COL28A1: variants seen among roughly 807,000 people sequenced by gnomAD.
The protein encoded by COL28A1 is collagen alpha-1(XXVIII) chain.
Under a neutral mutation model 150.2 loss-of-function variants are expected in COL28A1, and 161 were observed. The observed-to-expected ratio is 1.07, with a 90% confidence interval of 0.94 to 1.22. The LOEUF is 1.22. COL28A1 is among the 50% of genes most tolerant of loss of function. The probability of loss-of-function intolerance (pLI) is 0.00; values close to 1 mark genes in which losing one functional copy is unlikely to be tolerated. For synonymous variants in COL28A1, 552 were observed against 469.7 expected (o/e 1.18, Z -2.26); for missense variants, 1,617 against 1,388.3 (o/e 1.16, Z -2.62).
rs969439229 is a variant in COL28A1 at position 7,417,587 on chromosome 7, T to G, written c.2136+272A>C. 7 of 332,622 alleles carry G rather than the reference T, an allele frequency of 2.1e-5. No homozygotes were observed. In the Admixed American group the frequency reaches 3.6e-4, roughly 17 times the overall value. The allele number at this position is 332,622 out of a possible 1,614,324, so 20.6% of individuals were successfully genotyped here. On this transcript the variant is annotated intron_variant, in intron 27 of 34. Coordinates refer to ENST00000399429, the MANE Select transcript of COL28A1 (RefSeq NM_001037763.3). ...AGAGAGAGCAACTGAGTATAAATTC[T>G]CCATTCAATTCACAAAGAGGGGAAA...
chr7:7,401,020 G>GTGTGTGTGTGTGTGTA (rs1783168494), intron 27 of COL28A1, among the ~76,000 whole-genome samples: 1 of 147,208 alleles, frequency 6.8e-6, no homozygotes, highest in Admixed American at 6.8e-5. Flanking sequence ...GTGTGTGTGT[G>GTGTGTGTGTGTGTGTA]TGTGTACAGC....
intron 14 of COL28A1, among the ~76,000 whole-genome samples, chr7:7,475,994 T>C (rs1277379719): frequency 6.6e-6 from 1 of 152,226 alleles, no homozygotes; most frequent in Non-Finnish European, 1.5e-5. Context: ...TTTTATCTAA[T>C]TGTTTTCCCT....
chr7:7,529,555 G>A (rs1053119690), intron 3 of COL28A1, among the ~76,000 whole-genome samples: 4 of 152,128 alleles, frequency 2.6e-5, no homozygotes, highest in Middle Eastern at 3.2e-3. Context: ...GTTTGCCCAG[G>A]AACAGACAAA....
chr7:7,369,218 G>A (rs548583596), intron 33 of COL28A1, among the ~76,000 whole-genome samples: 15 of 152,254 alleles, frequency 9.9e-5, no homozygotes, highest in African/African-American at 3.4e-4. Context: ...CCCCAGTAGC[G>A]GTCCATGCTC....
At chr7:7,349,266 C>A in the COL28A1 span, among the ~76,000 whole-genome samples, 2 of 151,990 alleles carry the variant, frequency 1.3e-5, no homozygotes, top group Admixed American at 6.6e-5. Context: ...AGTTTATTAG[C>A]ACCTATTTAC....
chr7:7,357,536 G>GTAATCCCAGCTACGCAGGAGGT (rs1780396624), downstream of COL28A1: 1 of 152,006 alleles, frequency 6.6e-6, no homozygotes, highest in Non-Finnish European at 1.5e-5. Flanking sequence ...GCGCATGCTT[G>GTAATCCCAGCTACGCAGGAGGT]TAATCCCAGC....
intron 26 of COL28A1, 87 bp downstream of exon 26, chr7:7,419,798 G>A: frequency 1.3e-6 from 1 of 796,958 alleles, no homozygotes. Context: ...TCAACACCAA[G>A]ACGAACACTT....
Position 7,370,716 on chromosome 7 carries a change from G to A in COL28A1, c.3066+9C>T. 2 of 1,602,714 alleles carry A rather than the reference G, an allele frequency of 1.2e-6. No individual in the cohort carries two copies. Among genetic ancestry groups the A allele is most frequent in the South Asian group, 1.1e-5 (1 of 89,330 alleles). ...TTAAGCTCACAAAGTAAGTGAGACA[G>A]TTACTTACTGACTCAGAAATTTCTT... On this transcript the variant is annotated intron_variant, in intron 33 of 34. Coordinates refer to ENST00000399429, the MANE Select transcript of COL28A1 (RefSeq NM_001037763.3).
chr7:7,375,292 C>T (rs78016696), intron 31 of COL28A1, among the ~76,000 whole-genome samples, 169 bp downstream of exon 31: 4,397 of 152,286 alleles, frequency 0.029, 102 homozygotes, highest in Non-Finnish European at 0.046. Flanking sequence ...TCAGGATTCC[C>T]ACAGTCTCTC....
chr7:7,432,687 G>A lies in COL28A1; in HGVS notation c.1874C>T (p.Pro625Leu), dbSNP rs762134569. The A allele has an allele frequency of 1.2e-6, 2 of 1,613,696 alleles. No individual in the cohort carries two copies. Among genetic ancestry groups the A allele is most frequent in the East Asian group, 2.2e-5 (1 of 44,866 alleles). The change falls in exon 24 of 35, where the codon CCT becomes CTT. Residue 625 changes from proline (P) to leucine (L), a missense_variant. By Grantham distance (98) the Pro-to-Leu change is moderately conservative. Coordinates refer to ENST00000399429, the MANE Select transcript of COL28A1 (RefSeq NM_001037763.3). ...SIRGPKGVQG[P>L]RGPVGAPGLK... ...TCCTGGAGCACCCACTGGTCCCCGA[G>A]GGCCTTGGACACCCTGGGTAAATTC...
chr7:7,475,211 C>G (rs1788765206), intron 14 of COL28A1, among the ~76,000 whole-genome samples: 1 of 152,084 alleles, frequency 6.6e-6, no homozygotes, highest in South Asian at 2.1e-4. Flanking sequence ...AAGTGAACAG[C>G]TCTGTCCTTA....
chr7:7,465,059 G>C lies in COL28A1; in HGVS notation c.1303-8947C>G, dbSNP rs143092696. Among the ~76,000 whole-genome samples, 263 of 152,318 alleles carry C rather than the reference G, an allele frequency of 1.7e-3. 2 individuals are homozygous for C. The highest frequency in any genetic ancestry group is 5.9e-3 in the African/African-American group (244 of 41,572). On this transcript the variant is annotated intron_variant, in intron 15 of 34. Coordinates refer to ENST00000399429, the MANE Select transcript of COL28A1 (RefSeq NM_001037763.3). The stretch of plus-strand genomic sequence containing the variant: ...TTATGCGCATAAACTAGAAAGCCTA[G>C]AGGAGATGAATAAATTCTTGAAAAG...
At chr7:7,395,772 A>G (rs1684087972) in intron 27 of COL28A1, among the ~76,000 whole-genome samples, 1 of 152,230 alleles carries the variant, frequency 6.6e-6, no homozygotes, top group Admixed American at 6.5e-5. Flanking sequence ...CATGGCCCCC[A>G]AAACATCCCA....
downstream of COL28A1, among the ~76,000 whole-genome samples, chr7:7,351,878 A>G (rs1780237655): frequency 6.6e-6 from 1 of 152,140 alleles, no homozygotes; most frequent in Non-Finnish European, 1.5e-5. Context: ...TTCCAAAGTT[A>G]ACCTGAAAAA....
At chr7:7,455,961 G>A (rs1787131884) in intron 16 of COL28A1, 83 bp downstream of exon 16, 1 of 1,567,138 alleles carries the variant, frequency 6.4e-7, no homozygotes, top group African/African-American at 1.4e-5. Context: ...ACTCATAGAT[G>A]TTTGCAGGAC....
chr7:7,436,261 AG>A (rs1165795209), intron 23 of COL28A1, 133 bp downstream of exon 23: 1 of 667,172 alleles, frequency 1.5e-6, no homozygotes, highest in South Asian at 1.7e-5. Context: ...TTTTAAAAAA[AG>A]GGAATAGCTA....
At chr7:7,407,172 A>T (rs574748786) in intron 27 of COL28A1, among the ~76,000 whole-genome samples, 4 of 152,140 alleles carry the variant, frequency 2.6e-5, no homozygotes, top group African/African-American at 9.6e-5. Context: ...TATAAAAAAG[A>T]TATGTATAGA....
intron 20 of COL28A1, among the ~76,000 whole-genome samples, chr7:7,443,334 T>A (rs565291676): frequency 5.3e-5 from 8 of 152,228 alleles, no homozygotes; most frequent in Non-Finnish European, 1.2e-4. Context: ...TAAATGTCAA[T>A]CTGACCATTT....
At chr7:7,427,401 C>A (rs1302912468) in intron 25 of COL28A1, among the ~76,000 whole-genome samples, 2 of 152,180 alleles carry the variant, frequency 1.3e-5, no homozygotes, top group African/African-American at 4.8e-5. Flanking sequence ...ATTACATGCC[C>A]TTAACTTCAT....
Sources: gnomAD v4.1 joint callset for allele counts (sites outside exome capture counted in the v4.1 genomes callset) on GRCh38, gnomAD v4.1.1 for gene constraint, MANE v1.5 for transcripts, NCBI Gene and HGNC (gene_info 2026-07-23, HGNC 2026-07-21) for gene names.